The following EYS variants were observed in gnomAD, a reference collection of about 807,000 sequenced individuals.
EYS encodes the protein EGF-like photoreceptor maintenance factor, also known as protein eyes shut homolog.
EYS carries 250 observed loss-of-function variants against 282.1 expected under a neutral mutation model. That is an observed-to-expected ratio of 0.89 (90% CI 0.80 to 0.98). The LOEUF is 0.98. EYS is among the 50% of genes least tolerant of loss of function. The pLI is 0.00. For missense variants in EYS, 4,016 were observed against 3,709.0 expected (o/e 1.08, Z -2.15); for synonymous variants, 1,355 against 1,282.9 (o/e 1.06, Z -1.20).
At chr6:63,940,987 T>C (rs1765220068) in intron 35 of EYS, among the ~76,000 whole-genome samples, 1 of 152,128 alleles carries the variant, frequency 6.6e-6, no homozygotes. Context: ...TCCAGCTTCA[T>C]CCATTTCCCT....
At chr6:64,519,108 C>T (rs1343067658) in intron 26 of EYS, among the ~76,000 whole-genome samples, 1 of 151,662 alleles carries the variant, frequency 6.6e-6, no homozygotes. Context: ...GTGGAAGAGG[C>T]TATGATACTG....
intron 26 of EYS, among the ~76,000 whole-genome samples, chr6:64,553,285 C>A (rs1050869091): frequency 1.3e-5 from 2 of 152,056 alleles, no homozygotes; most frequent in Non-Finnish European, 2.9e-5. Context: ...GCATAGTAAG[C>A]GATTTTAGTT....
chr6:64,799,492 A>T (rs1774469320), intron 22 of EYS, among the ~76,000 whole-genome samples: 1 of 151,782 alleles, frequency 6.6e-6, no homozygotes, highest in African/African-American at 2.4e-5. Context: ...CATTTAAGAC[A>T]TTTATCTAAT....
chr6:65,464,404 T>C (rs1420070781), intron 5 of EYS, among the ~76,000 whole-genome samples: 1 of 152,194 alleles, frequency 6.6e-6, no homozygotes, highest in Non-Finnish European at 1.5e-5. Flanking sequence ...GCCTGAGTTG[T>C]AGTGCATGAT....
At chr6:64,757,302 T>C (rs549413478) in intron 22 of EYS, among the ~76,000 whole-genome samples, 5 of 152,280 alleles carry the variant, frequency 3.3e-5, no homozygotes, top group African/African-American at 1.2e-4. Context: ...AATTGACTAA[T>C]TTTCTTCACT....
chr6:65,497,419 G>A (rs1221670567), intron 2 of EYS, among the ~76,000 whole-genome samples: 6 of 151,978 alleles, frequency 3.9e-5, no homozygotes, highest in African/African-American at 1.4e-4. Flanking sequence ...AATTGCCAAA[G>A]GAAAAATGTT....
intron 22 of EYS, among the ~76,000 whole-genome samples, chr6:64,699,990 A>T (rs944301581): frequency 3.3e-5 from 5 of 152,012 alleles, no homozygotes; most frequent in Admixed American, 6.6e-5. Context: ...CCCACCAAAA[A>T]ACTAGTAAAT....
chr6:64,525,317 T>C (rs1777881592), intron 26 of EYS, among the ~76,000 whole-genome samples: 5 of 151,884 alleles, frequency 3.3e-5, no homozygotes. Context: ...ACATGGTACA[T>C]ATACACAATG....
intron 35 of EYS, among the ~76,000 whole-genome samples, chr6:63,899,280 G>T (rs1271380726): frequency 2.0e-5 from 3 of 151,888 alleles, no homozygotes; most frequent in Admixed American, 6.6e-5. Context: ...TCTGTGGCTA[G>T]TTTTTTTTCT....
intron 35 of EYS, among the ~76,000 whole-genome samples, chr6:63,869,805 T>C (rs1772757407): frequency 6.6e-6 from 1 of 152,020 alleles, no homozygotes; most frequent in Non-Finnish European, 1.5e-5. Flanking sequence ...GAGAAGTGGG[T>C]TGGGAAAGAA....
At chr6:65,309,761 C>G (rs1246320602) in intron 11 of EYS, among the ~76,000 whole-genome samples, 13 of 152,128 alleles carry the variant, frequency 8.5e-5, no homozygotes, top group Admixed American at 8.5e-4. Flanking sequence ...CTATGGTTAT[C>G]CTTTATGTAT....
intron 12 of EYS, among the ~76,000 whole-genome samples, chr6:65,121,725 A>C (rs1359315629): frequency 1.3e-5 from 2 of 152,090 alleles, no homozygotes; most frequent in African/African-American, 4.8e-5. Flanking sequence ...GTATTCTACT[A>C]CTCTACAGTG....
At chr6:65,105,143 G>A (rs934545453) in intron 12 of EYS, among the ~76,000 whole-genome samples, 1 of 151,502 alleles carries the variant, frequency 6.6e-6, no homozygotes, top group African/African-American at 2.4e-5. Flanking sequence ...ATCACATACA[G>A]GATATATATG....
At chr6:64,607,951 A>G (rs551485435) in intron 24 of EYS, among the ~76,000 whole-genome samples, 18 of 152,190 alleles carry the variant, frequency 1.2e-4, no homozygotes, top group Non-Finnish European at 2.2e-4. Flanking sequence ...TAATCATTCA[A>G]TAGGGTAAAG....
intron 22 of EYS, among the ~76,000 whole-genome samples, chr6:64,716,817 C>T (rs1312310269): frequency 2.6e-5 from 4 of 152,004 alleles, no homozygotes; most frequent in African/African-American, 9.7e-5. Flanking sequence ...ATGCAGGTTG[C>T]TTGGTCTCCA....
chr6:63,777,959 G>T, intron 40 of EYS, 47 bp downstream of exon 40: 2 of 1,491,992 alleles, frequency 1.3e-6, no homozygotes, highest in East Asian at 2.5e-5. Context: ...GTACCAGTTA[G>T]AGTGCAAACA....
chr6:64,609,647 G>A (rs1767046175), intron 24 of EYS, among the ~76,000 whole-genome samples: 1 of 152,120 alleles, frequency 6.6e-6, no homozygotes, highest in Non-Finnish European at 1.5e-5. Context: ...ATTTTGGGAG[G>A]CTGAAGCAGG....
chr6:64,268,360 T>C (rs1219484366), intron 30 of EYS, among the ~76,000 whole-genome samples: 3 of 152,030 alleles, frequency 2.0e-5, no homozygotes, highest in Non-Finnish European at 1.5e-5. Flanking sequence ...ATATAAGAAA[T>C]AATTTTGGGG....
chr6:64,466,985 T>C (rs1469496607), intron 26 of EYS, among the ~76,000 whole-genome samples: 1 of 152,162 alleles, frequency 6.6e-6, no homozygotes, highest in African/African-American at 2.4e-5. Context: ...GTATAACTTA[T>C]AACTGACAGA....
Sources: allele counts gnomAD v4.1 joint callset (sites outside exome capture counted in the v4.1 genomes callset), GRCh38; gene constraint gnomAD v4.1.1; transcripts MANE v1.5; gene names NCBI Gene and HGNC (gene_info 2026-07-23, HGNC 2026-07-21).